The following ROR2 variants were observed in gnomAD, a reference collection of about 807,000 sequenced individuals.
ROR2 encodes ROR family WNT receptor 2, also known as tyrosine-protein kinase transmembrane receptor ROR2.
A neutral mutation model predicts 74.9 loss-of-function variants in ROR2; 33 were observed. The observed-to-expected ratio is 0.44, with a 90% confidence interval of 0.33 to 0.59. ROR2 has a LOEUF of 0.59. ROR2 is among the 20% of genes least tolerant of loss of function. The probability of loss-of-function intolerance (pLI) is 0.02; values close to 1 mark genes in which losing one functional copy is unlikely to be tolerated. For synonymous variants in ROR2, 586 were observed against 558.7 expected (o/e 1.05, Z -0.69); for missense variants, 1,216 against 1,313.8 (o/e 0.93, Z 1.15).
chr9:91,908,841 T>C (rs1830881599), intron 1 of ROR2, among the ~76,000 whole-genome samples: 1 of 152,226 alleles, frequency 6.6e-6, no homozygotes, highest in Non-Finnish European at 1.5e-5. Flanking sequence ...CCTTAAAATG[T>C]AAACACCTTA....
chr9:91,837,070 T>A (rs1828630291), intron 1 of ROR2, among the ~76,000 whole-genome samples: 1 of 152,124 alleles, frequency 6.6e-6, no homozygotes, highest in Non-Finnish European at 1.5e-5. Flanking sequence ...AAAACAACTT[T>A]AAAAGTTCAC....
intron 1 of ROR2, among the ~76,000 whole-genome samples, chr9:91,790,080 A>C (rs1456674056): frequency 1.3e-5 from 2 of 152,254 alleles, no homozygotes; most frequent in African/African-American, 4.8e-5. Flanking sequence ...CATATAAAAC[A>C]GTGGTCCCAT....
intron 1 of ROR2, among the ~76,000 whole-genome samples, chr9:91,880,616 T>C (rs185242942): frequency 6.6e-6 from 1 of 152,356 alleles, no homozygotes; most frequent in East Asian, 1.9e-4. Flanking sequence ...CCAGTCAATC[T>C]CATCAGTTAG....
chr9:91,885,530 G>A (rs1229015593), intron 1 of ROR2, among the ~76,000 whole-genome samples: 10 of 152,246 alleles, frequency 6.6e-5, no homozygotes, highest in Non-Finnish European at 8.8e-5. Flanking sequence ...CTGCACCAGG[G>A]TGGCTATGAC....
intron 1 of ROR2, among the ~76,000 whole-genome samples, chr9:91,920,422 CT>C (rs1268233448): frequency 3.3e-5 from 5 of 152,330 alleles, no homozygotes; most frequent in Non-Finnish European, 7.3e-5. Flanking sequence ...GAGAAGATCA[CT>C]TGTGCCCAAG....
chr9:91,904,051 TGG>T lies in ROR2; in HGVS notation c.97+45814_97+45815del, dbSNP rs3083902. 1.7e-3 allele frequency among the ~76,000 whole-genome samples: 158 copies of T among 93,214 alleles called. 1 individual carries two copies. Among genetic ancestry groups the T allele is most frequent in the African/African-American group, 4.1e-3 (137 of 33,636 alleles). The allele number at this position is 93,214 out of a possible 152,430, so 61.2% of individuals were successfully genotyped here. ...TTTTGTTTTTGTTTTTGTTTTTTTT[TGG>T]GGGGGGGGACAGAGTCTCGCTCTGC... On this transcript the variant is annotated intron_variant, in intron 1 of 8. Coordinates refer to ENST00000375708, the MANE Select transcript of ROR2 (RefSeq NM_004560.4).
chr9:91,895,686 T>C (rs1027828798), intron 1 of ROR2, among the ~76,000 whole-genome samples: 4 of 151,912 alleles, frequency 2.6e-5, no homozygotes, highest in African/African-American at 9.7e-5. Flanking sequence ...TCTACTAAAA[T>C]ACAAAATTTA....
At chr9:91,737,268 A>G in intron 5 of ROR2, 123 bp downstream of exon 5, 1 of 1,263,168 alleles carries the variant, frequency 7.9e-7, no homozygotes, top group Non-Finnish European at 1.1e-6. Context: ...TTCTACCACA[A>G]ATGAAATGGA....
intron 1 of ROR2, among the ~76,000 whole-genome samples, chr9:91,929,273 G>T (rs10124760): frequency 0.54 from 82,536 of 152,172 alleles, 25,596 homozygotes; most frequent in African/African-American, 0.85. Flanking sequence ...TGGAGGCTTT[G>T]TCATTCTGTG....
intron 1 of ROR2, among the ~76,000 whole-genome samples, chr9:91,885,343 T>C (rs1053823350): frequency 2.0e-5 from 3 of 151,930 alleles, no homozygotes; most frequent in Admixed American, 6.6e-5. Flanking sequence ...TGGAGGGAGA[T>C]GGGGATGTCT....
intron 1 of ROR2, among the ~76,000 whole-genome samples, chr9:91,934,687 G>T (rs1831637282): frequency 6.6e-6 from 1 of 152,048 alleles, no homozygotes; most frequent in Non-Finnish European, 1.5e-5. Flanking sequence ...ACTTGACTTA[G>T]TTCTTTTAAA....
chr9:91,897,911 A>C (rs1239569440), intron 1 of ROR2, among the ~76,000 whole-genome samples: 5 of 152,166 alleles, frequency 3.3e-5, no homozygotes, highest in Non-Finnish European at 7.3e-5. Context: ...GAAGGTGGAC[A>C]TGTGGACAGA....
At position 91,826,672 on chromosome 9, in the gene ROR2, T is replaced by C. The variant is rs1471873585; in HGVS notation, c.98-50854A>G. ...GGTGGTGGGAGCCTGTAGTCCCAGCTACTCGGGAGGCTGAGGCACGAGAAT... is the reference window on the plus strand; with the variant it reads ...GGTGGTGGGAGCCTGTAGTCCCAGCCACTCGGGAGGCTGAGGCACGAGAAT... On this transcript the variant is annotated intron_variant, in intron 1 of 8. Coordinates refer to ENST00000375708, the MANE Select transcript of ROR2 (RefSeq NM_004560.4). Among the ~76,000 whole-genome samples, 2 of 151,584 alleles carry C rather than the reference T, an allele frequency of 1.3e-5. 1 individual carries two copies. Among genetic ancestry groups the C allele is most frequent in the Non-Finnish European group, 2.9e-5 (2 of 67,960 alleles).
intron 2 of ROR2, among the ~76,000 whole-genome samples, chr9:91,773,241 A>G (rs1826297472): frequency 6.6e-6 from 1 of 152,196 alleles, no homozygotes; most frequent in South Asian, 2.1e-4. Context: ...TCCCAAGGAA[A>G]TATCAGAGTC....
At chr9:91,933,067 C>T in intron 1 of ROR2, among the ~76,000 whole-genome samples, 1 of 152,170 alleles carries the variant, frequency 6.6e-6, no homozygotes, top group Non-Finnish European at 1.5e-5. Flanking sequence ...AATCTCAGCA[C>T]TTTGGAAGGC....
intron 8 of ROR2, among the ~76,000 whole-genome samples, chr9:91,726,105 C>T (rs1051303939): frequency 6.6e-6 from 1 of 152,204 alleles, no homozygotes; most frequent in Non-Finnish European, 1.5e-5. Context: ...GGTAGCCTGT[C>T]CACCTACTCC....
intron 1 of ROR2, among the ~76,000 whole-genome samples, chr9:91,912,477 G>A (rs7864890): frequency 1.4e-4 from 22 of 152,086 alleles, no homozygotes; most frequent in African/African-American, 4.8e-4. Context: ...TCAAAATACC[G>A]TATGTGCTCC....
At chr9:91,726,830 C>A in intron 7 of ROR2, 87 bp from the exon 8 acceptor site, 1 of 1,283,026 alleles carries the variant, frequency 7.8e-7, no homozygotes, top group Non-Finnish European at 1.1e-6. Flanking sequence ...CACCTCCAGC[C>A]AAAATCTTCA....
intron 1 of ROR2, among the ~76,000 whole-genome samples, chr9:91,806,858 G>A (rs1827580322): frequency 6.6e-6 from 1 of 152,188 alleles, no homozygotes. Flanking sequence ...CAAAGTGCTG[G>A]GATTACAGGC....
Sources: gnomAD v4.1 joint callset for allele counts (sites outside exome capture counted in the v4.1 genomes callset) on GRCh38, gnomAD v4.1.1 for gene constraint, MANE v1.5 for transcripts, NCBI Gene and HGNC (gene_info 2026-07-23, HGNC 2026-07-21) for gene names.